Variants in CHSY3 observed in about 807,000 individuals in gnomAD.
CHSY3 encodes the protein N-acetylgalactosaminyl-proteoglycan 3-beta-glucuronosyltransferase 3.
Under a neutral mutation model 67.2 loss-of-function variants are expected in CHSY3, and 35 were observed. The ratio of observed to expected loss-of-function variants is 0.52; its 90% CI spans 0.40 to 0.69. The LOEUF is 0.69. Ranked by LOEUF, CHSY3 falls within the 30% of genes least tolerant of loss-of-function variation. The pLI is 0.00. For missense variants in CHSY3, 1,069 were observed against 1,138.5 expected (o/e 0.94, Z 0.88); for synonymous variants, 474 against 434.7 (o/e 1.09, Z -1.12).
chr5:129,952,551 G>A (rs983217482), intron 2 of CHSY3, among the ~76,000 whole-genome samples: 3 of 152,140 alleles, frequency 2.0e-5, no homozygotes, highest in Non-Finnish European at 4.4e-5. Context: ...ACACATTTGA[G>A]GAGTCATATT....
At chr5:130,003,996 G>A (rs751847888) in intron 2 of CHSY3, among the ~76,000 whole-genome samples, 14 of 151,990 alleles carry the variant, frequency 9.2e-5, no homozygotes, top group Non-Finnish European at 1.6e-4. Context: ...TTTTGGTTTC[G>A]TATTTTTCCT....
intron 2 of CHSY3, among the ~76,000 whole-genome samples, chr5:130,144,145 T>A (rs1769001802): frequency 2.0e-5 from 3 of 151,220 alleles, no homozygotes; most frequent in East Asian, 2.0e-4. Flanking sequence ...AAAAAAAAAA[T>A]TCACAAGTAT....
intron 2 of CHSY3, among the ~76,000 whole-genome samples, chr5:130,025,337 C>T (rs2149656462): frequency 6.6e-6 from 1 of 152,064 alleles, no homozygotes; most frequent in South Asian, 2.1e-4. Flanking sequence ...AAGCAACATG[C>T]AAAAGGTACA....
chr5:130,123,455 C>T (rs1384495218), intron 2 of CHSY3, among the ~76,000 whole-genome samples: 2 of 152,130 alleles, frequency 1.3e-5, no homozygotes, highest in Admixed American at 1.3e-4. Context: ...ACCTAGATCC[C>T]TTGCATGCAC....
chr5:129,979,199 C>CAAAAAAAAAAAAAAAAAAAAAAAAAAA (rs58584381), intron 2 of CHSY3, among the ~76,000 whole-genome samples: 1 of 62,526 alleles, frequency 1.6e-5, no homozygotes. Flanking sequence ...GACTCCGTCT[C>CAAAAAAAAAAAAAAAAAAAAAAAAAAA]AAAAAAAAAA....
At chr5:129,983,703 T>C (rs567756643) in intron 2 of CHSY3, among the ~76,000 whole-genome samples, 1 of 152,108 alleles carries the variant, frequency 6.6e-6, no homozygotes, top group African/African-American at 2.4e-5. Context: ...TACAAACTCA[T>C]TTCAGTGTAG....
intron 2 of CHSY3, among the ~76,000 whole-genome samples, chr5:129,956,867 C>T (rs991850325): frequency 6.6e-6 from 1 of 151,936 alleles, no homozygotes; most frequent in Admixed American, 6.6e-5. Context: ...GTTACTGTAG[C>T]TCTTTAGTAT....
At chr5:130,015,658 T>G (rs1315962653) in intron 2 of CHSY3, among the ~76,000 whole-genome samples, 2 of 152,162 alleles carry the variant, frequency 1.3e-5, no homozygotes, top group Non-Finnish European at 2.9e-5. Flanking sequence ...ATTAGTTCAG[T>G]CACTGTGGAA....
intron 2 of CHSY3, among the ~76,000 whole-genome samples, chr5:130,133,771 T>TAAAAAA (rs758023976): frequency 3.4e-5 from 2 of 58,118 alleles, no homozygotes; most frequent in African/African-American, 1.5e-4. Context: ...GACTCCGTCT[T>TAAAAAA]AAAAAAAAAA....
intron 2 of CHSY3, among the ~76,000 whole-genome samples, chr5:130,172,324 T>A (rs1233395753): frequency 6.2e-4 from 2 of 3,224 alleles, no homozygotes; most frequent in African/African-American, 1.5e-3. Flanking sequence ...TCTTTTCTTT[T>A]CTTTTTTTTT....
At position 129,904,624 on chromosome 5, in the gene CHSY3, A is replaced by G. The variant is rs964565509; in HGVS notation, c.-206A>G. ...ACCCTTGCTCGGAGCCCCGGCCCAG[A>G]GCTGAGCGGGAGCCCGGCAGGCAGC... On this transcript the variant is annotated 5_prime_UTR_variant, in exon 1 of 3. Transcript: ENST00000305031. The G allele has an allele frequency of 2.5e-6, 2 of 797,692 alleles. No individual in the cohort carries two copies. Among genetic ancestry groups the G allele is most frequent in the Non-Finnish European group, 3.3e-6 (2 of 603,100 alleles). The allele number at this position is 797,692 out of a possible 1,614,324, so 49.4% of individuals were successfully genotyped here. A position where few individuals can be genotyped will look rare whatever the true frequency, so the allele number is the denominator to read the frequency against.
chr5:129,933,700 C>T (rs1312581955), intron 2 of CHSY3, among the ~76,000 whole-genome samples: 1 of 151,910 alleles, frequency 6.6e-6, no homozygotes, highest in Non-Finnish European at 1.5e-5. Flanking sequence ...TAAGTATACC[C>T]CTGGAATGGG....
chr5:130,002,995 T>C (rs1763775584), intron 2 of CHSY3, among the ~76,000 whole-genome samples: 1 of 152,182 alleles, frequency 6.6e-6, no homozygotes, highest in Non-Finnish European at 1.5e-5. Context: ...AGTCCTAGTT[T>C]CTTTGGGTTG....
At chr5:129,970,314 C>T (rs1262706468) in intron 2 of CHSY3, among the ~76,000 whole-genome samples, 1 of 151,604 alleles carries the variant, frequency 6.6e-6, no homozygotes, top group Non-Finnish European at 1.5e-5. Flanking sequence ...ATAGTAGGTA[C>T]TCAACATCTT....
intron 2 of CHSY3, among the ~76,000 whole-genome samples, chr5:130,097,678 A>T (rs1767094393): frequency 6.6e-6 from 1 of 152,152 alleles, no homozygotes; most frequent in Non-Finnish European, 1.5e-5. Flanking sequence ...TTTTATTTTG[A>T]GATAATTGTA....
intron 2 of CHSY3, among the ~76,000 whole-genome samples, chr5:129,945,201 C>T: frequency 6.6e-6 from 1 of 152,260 alleles, no homozygotes; most frequent in Non-Finnish European, 1.5e-5. Flanking sequence ...TAATCTACTG[C>T]CCTGGATATT....
At chr5:130,048,384 C>A (rs191968772) in intron 2 of CHSY3, among the ~76,000 whole-genome samples, 168 of 151,942 alleles carry the variant, frequency 1.1e-3, no homozygotes, top group Non-Finnish European at 1.8e-3. Context: ...TTTTTAATTT[C>A]TTTTCCTTTT....
intron 2 of CHSY3, among the ~76,000 whole-genome samples, chr5:129,971,448 GACTT>G (rs1762638203): frequency 6.6e-6 from 1 of 151,708 alleles, no homozygotes; most frequent in Non-Finnish European, 1.5e-5. Flanking sequence ...GCTAATAAAA[GACTT>G]ACATCAGAAT....
chr5:130,089,451 A>G (rs1359224354), intron 2 of CHSY3, among the ~76,000 whole-genome samples: 2 of 152,164 alleles, frequency 1.3e-5, no homozygotes, highest in African/African-American at 2.4e-5. Context: ...TTAATTAAGC[A>G]TCAAGTAACC....
Sources: gnomAD v4.1 joint callset for allele counts (sites outside exome capture counted in the v4.1 genomes callset) on GRCh38, gnomAD v4.1.1 for gene constraint, MANE v1.5 for transcripts, NCBI Gene and HGNC (gene_info 2026-07-23, HGNC 2026-07-21) for gene names.